CEP128: variants seen among roughly 807,000 people sequenced by gnomAD.
CEP128 encodes centrosomal protein 128.
In CEP128, 132 loss-of-function variants were observed where a neutral mutation model predicts 156.7. The ratio of observed to expected loss-of-function variants is 0.84; its 90% CI spans 0.73 to 0.97. The LOEUF (loss-of-function observed/expected upper bound fraction) is 0.97. Among genes scored for constraint, CEP128 ranks in the 50% least tolerant of loss-of-function variants. The pLI is 0.00. For missense variants in CEP128, 1,252 were observed against 1,281.9 expected (o/e 0.98, Z 0.36); for synonymous variants, 469 against 448.9 (o/e 1.04, Z -0.57).
At chr14:80,603,516 G>A (rs192065829) in intron 19 of CEP128, among the ~76,000 whole-genome samples, 3 of 152,188 alleles carry the variant, frequency 2.0e-5, no homozygotes, top group Non-Finnish European at 2.9e-5. Context: ...AGTTTATTTA[G>A]AAAACATGGG....
chr14:80,645,888 C>G (rs1894609833), intron 19 of CEP128, among the ~76,000 whole-genome samples: 1 of 151,980 alleles, frequency 6.6e-6, no homozygotes, highest in Non-Finnish European at 1.5e-5. Context: ...TGATTCAGCA[C>G]TAAAAGAATG....
intron 19 of CEP128, among the ~76,000 whole-genome samples, chr14:80,584,094 T>G (rs1371387114): frequency 1.3e-5 from 2 of 152,042 alleles, no homozygotes; most frequent in East Asian, 3.9e-4. Flanking sequence ...CTTGTCTGTA[T>G]TCTTCTGACC....
chr14:80,709,444 A>G (rs2139402581), intron 19 of CEP128, among the ~76,000 whole-genome samples: 1 of 152,252 alleles, frequency 6.6e-6, no homozygotes, highest in African/African-American at 2.4e-5. Flanking sequence ...AGCCAGTTTT[A>G]AATTATGTTT....
intron 4 of CEP128, 99 bp from the exon 5 acceptor site, chr14:80,906,180 G>T: frequency 1.1e-6 from 1 of 909,072 alleles, no homozygotes. Flanking sequence ...GAAATATCTG[G>T]GTTCCCCCCA....
chr14:80,936,889 T>A (rs1885836185), intron 2 of CEP128, among the ~76,000 whole-genome samples: 1 of 152,156 alleles, frequency 6.6e-6, no homozygotes, highest in Non-Finnish European at 1.5e-5. Context: ...AGCAAGGTTA[T>A]ACCTTGTTGT....
chr14:80,584,445 C>T (rs922203630), intron 19 of CEP128, among the ~76,000 whole-genome samples: 3 of 152,066 alleles, frequency 2.0e-5, no homozygotes, highest in African/African-American at 7.2e-5. Flanking sequence ...TGCCTCTGGC[C>T]CATCCATATT....
chr14:80,490,288 T>C (rs963861697), downstream of CEP128, among the ~76,000 whole-genome samples: 2 of 151,978 alleles, frequency 1.3e-5, no homozygotes, highest in Non-Finnish European at 2.9e-5. Context: ...CAAATTAAAA[T>C]CTCCCTTCAT....
intron 24 of CEP128, among the ~76,000 whole-genome samples, chr14:80,501,823 G>A (rs1170249487): frequency 2.0e-5 from 3 of 151,782 alleles, no homozygotes; most frequent in Admixed American, 2.0e-4. Context: ...CAAAGGCAGG[G>A]CTTCGACACC....
chr14:80,560,465 T>G (rs918627259), intron 20 of CEP128, among the ~76,000 whole-genome samples: 2 of 151,998 alleles, frequency 1.3e-5, no homozygotes, highest in African/African-American at 4.8e-5. Context: ...AGGAAATATG[T>G]GGAATCTGGA....
chr14:80,916,520 G>A lies in CEP128; in HGVS notation c.28C>T (p.His10Tyr), dbSNP rs571525091. The A allele has an allele frequency of 1.8e-5, 29 of 1,613,790 alleles. No individual in the cohort carries two copies. Among genetic ancestry groups the A allele is most frequent in the Non-Finnish European group, 2.4e-5 (28 of 1,179,882 alleles). Residue 10 changes from histidine to tyrosine, a missense_variant, in exon 3 of 25, where the codon CAC becomes TAC. Physicochemically the swap from His to Tyr is moderately conservative, Grantham distance 83 (BLOSUM62 2). Transcript: ENST00000555265. MAESSSESDHFRCRDRLSPW... is the reference protein window; with the variant it reads MAESSSESDYFRCRDRLSPW... ...CTCAATCGGTCACGACAGCGGAAGT[G>A]ATCTGATTCGCTGGATGATTCTGCC... is the stretch of plus-strand genomic sequence containing the variant.
chr14:80,566,344 G>T (rs1890907836), intron 20 of CEP128, among the ~76,000 whole-genome samples: 2 of 152,062 alleles, frequency 1.3e-5, no homozygotes. Flanking sequence ...AAATTTGTCA[G>T]TCATTTTAAA....
intron 19 of CEP128, among the ~76,000 whole-genome samples, chr14:80,720,985 G>C (rs947754649): frequency 1.3e-5 from 2 of 152,030 alleles, no homozygotes; most frequent in African/African-American, 4.8e-5. Context: ...TTTCTGATTT[G>C]CTCGTTATCT....
intron 19 of CEP128, among the ~76,000 whole-genome samples, chr14:80,627,999 A>C (rs1893803961): frequency 2.0e-5 from 3 of 152,162 alleles, no homozygotes; most frequent in Non-Finnish European, 4.4e-5. Context: ...AAATATCCTC[A>C]GCACAGCTCT....
intron 15 of CEP128, among the ~76,000 whole-genome samples, chr14:80,783,799 G>T (rs1205043979): frequency 1.3e-5 from 2 of 152,084 alleles, no homozygotes; most frequent in Non-Finnish European, 1.5e-5. Context: ...AGGAGCATAT[G>T]CATCTAGTAA....
At chr14:80,581,086 T>C (rs1891572529) in intron 19 of CEP128, among the ~76,000 whole-genome samples, 1 of 152,206 alleles carries the variant, frequency 6.6e-6, no homozygotes, top group Admixed American at 6.5e-5. Context: ...TCTTAATGCA[T>C]GTATACAGCC....
At chr14:80,592,089 A>T (rs1171540009) in intron 19 of CEP128, among the ~76,000 whole-genome samples, 2 of 152,202 alleles carry the variant, frequency 1.3e-5, no homozygotes, top group African/African-American at 4.8e-5. Context: ...GATCACAATT[A>T]AAAGAACTAG....
intron 19 of CEP128, among the ~76,000 whole-genome samples, chr14:80,616,526 GT>G (rs1036632445): frequency 9.8e-6 from 1 of 101,698 alleles, no homozygotes; most frequent in Non-Finnish European, 2.0e-5. Context: ...AAATTCAACT[GT>G]TTTTTTTGAT....
intron 19 of CEP128, among the ~76,000 whole-genome samples, chr14:80,616,409 G>C (rs149151090): frequency 6.6e-6 from 1 of 152,156 alleles, no homozygotes; most frequent in African/African-American, 2.4e-5. Context: ...CAGGGGAGGA[G>C]ACAAGCTGGG....
chr14:80,558,449 C>T lies in CEP128; in HGVS notation c.2880+830G>A, dbSNP rs149990948. 7.0e-3 allele frequency among the ~76,000 whole-genome samples: 1,070 copies of T among 152,190 alleles called. 7 individuals carry two copies. The highest frequency in any genetic ancestry group is 9.5e-3 in the Non-Finnish European group (648 of 67,998). ...GATTACAGGCTCTCACCACCACACC[C>T]GGCTAATTTTTTTAATTTTTAGTAA... is the stretch of plus-strand genomic sequence containing the variant. On this transcript the variant is annotated intron_variant, in intron 21 of 24. Coordinates refer to ENST00000555265, the MANE Select transcript of CEP128 (RefSeq NM_152446.5).
Sources: allele counts gnomAD v4.1 joint callset (sites outside exome capture counted in the v4.1 genomes callset), GRCh38; gene constraint gnomAD v4.1.1; transcripts MANE v1.5; gene names NCBI Gene and HGNC (gene_info 2026-07-23, HGNC 2026-07-21).